Variants in GRIK2 observed in about 807,000 individuals in gnomAD.
The protein encoded by GRIK2 is glutamate ionotropic receptor kainate type subunit 2.
In GRIK2, 32 loss-of-function variants were observed where a neutral mutation model predicts 100.3. The ratio of observed to expected loss-of-function variants is 0.32; its 90% CI spans 0.24 to 0.43. GRIK2 has a LOEUF of 0.43. Among genes scored for constraint, GRIK2 ranks in the 20% least tolerant of loss-of-function variants. The pLI is 1.00. For missense variants in GRIK2, 843 were observed against 1,114.9 expected, an observed-to-expected ratio of 0.76 and a Z score of 3.47; for synonymous variants, 417 against 389.4, an observed-to-expected ratio of 1.07 and a Z score of -0.83.
At chr6:101,719,949 A>T (rs979143465) in intron 7 of GRIK2, among the ~76,000 whole-genome samples, 1 of 152,036 alleles carries the variant, frequency 6.6e-6, no homozygotes, top group Non-Finnish European at 1.5e-5. Context: ...GAGAAAAAAG[A>T]TGAGAGAGAA....
chr6:101,465,167 C>T lies in GRIK2; in HGVS notation c.115+65775C>T, dbSNP rs1286371509. Among the ~76,000 whole-genome samples, 4 of 152,130 alleles carry T rather than the reference C, an allele frequency of 2.6e-5. No homozygotes were observed. In the East Asian group the frequency reaches 7.7e-4, roughly 29 times the overall value. On this transcript the variant is annotated intron_variant, in intron 2 of 16. Coordinates refer to ENST00000369134, the MANE Select transcript of GRIK2 (RefSeq NM_021956.5). ...AACGGGTACAAGTATAGTTGTATTA[C>T]ATGAATATATCGTGTAGGAGTGAAG...
chr6:101,688,018 A>G (rs1435102264), intron 7 of GRIK2, among the ~76,000 whole-genome samples: 1 of 148,414 alleles, frequency 6.7e-6, no homozygotes, highest in Non-Finnish European at 1.5e-5. Context: ...AATGTATGCT[A>G]TCCTTTAAAT....
intron 16 of GRIK2, chr6:102,063,836 T>A (rs866557365): frequency 3.4e-5 from 18 of 536,290 alleles, no homozygotes; most frequent in African/African-American, 2.6e-4. Flanking sequence ...TCTACATTGT[T>A]TCAAGAATTA....
At chr6:101,670,575 T>C (rs1390772781) in intron 4 of GRIK2, among the ~76,000 whole-genome samples, 1 of 152,106 alleles carries the variant, frequency 6.6e-6, no homozygotes, top group African/African-American at 2.4e-5. Flanking sequence ...TTTCAGAAAA[T>C]TTCTATTTTG....
intron 12 of GRIK2, among the ~76,000 whole-genome samples, chr6:101,910,766 C>G (rs1788620228): frequency 1.3e-5 from 2 of 148,920 alleles, no homozygotes; most frequent in African/African-American, 5.0e-5. Flanking sequence ...CTACAGAATG[C>G]CATAGAAATT....
intron 7 of GRIK2, among the ~76,000 whole-genome samples, chr6:101,764,726 C>T (rs1222827622): frequency 1.3e-5 from 2 of 151,970 alleles, no homozygotes; most frequent in Non-Finnish European, 2.9e-5. Flanking sequence ...TAATGAGTTT[C>T]CTGAAGGATC....
chr6:101,965,740 G>A (rs1792627234), intron 14 of GRIK2, among the ~76,000 whole-genome samples: 1 of 151,992 alleles, frequency 6.6e-6, no homozygotes, highest in African/African-American at 2.4e-5. Flanking sequence ...TGTGGAATTG[G>A]TTAATTTTAC....
chr6:101,823,616 C>T (rs1458411985), intron 10 of GRIK2, among the ~76,000 whole-genome samples: 1 of 151,820 alleles, frequency 6.6e-6, no homozygotes, highest in African/African-American at 2.4e-5. Context: ...TTATTTATTG[C>T]ATAGAGGTTG....
At chr6:101,823,913 G>T (rs1327985257) in intron 10 of GRIK2, among the ~76,000 whole-genome samples, 1 of 149,852 alleles carries the variant, frequency 6.7e-6, no homozygotes, top group Non-Finnish European at 1.5e-5. Flanking sequence ...TGTCGCCCAG[G>T]CTGCAGTGCA....
intron 11 of GRIK2, among the ~76,000 whole-genome samples, chr6:101,863,626 CCTA>C (rs1562447685): frequency 6.6e-6 from 1 of 151,906 alleles, no homozygotes; most frequent in African/African-American, 2.4e-5. Context: ...GAATCTCTGA[CCTA>C]CTGTCATAAT....
At chr6:101,788,543 C>A (rs1266597739) in intron 7 of GRIK2, among the ~76,000 whole-genome samples, 1 of 152,146 alleles carries the variant, frequency 6.6e-6, no homozygotes, top group Admixed American at 6.6e-5. Flanking sequence ...ATGAACTCAT[C>A]ATTTTTTTAT....
intron 11 of GRIK2, among the ~76,000 whole-genome samples, chr6:101,864,916 A>T (rs915271120): frequency 6.6e-6 from 1 of 152,212 alleles, no homozygotes; most frequent in Admixed American, 6.5e-5. Context: ...CTAAATAGTA[A>T]CATTTAAAGT....
intron 2 of GRIK2, among the ~76,000 whole-genome samples, chr6:101,605,493 A>G (rs996800855): frequency 6.6e-6 from 1 of 151,948 alleles, no homozygotes; most frequent in Non-Finnish European, 1.5e-5. Context: ...TTAAATAATT[A>G]TATCTATCCA....
chr6:101,761,791 CCCTT>C lies in GRIK2; in HGVS notation c.952-37852_952-37849del, dbSNP rs1226774770. 3.8e-4 allele frequency among the ~76,000 whole-genome samples: 53 copies of C among 139,166 alleles called. 2 individuals are homozygous for C. In the South Asian group the frequency reaches 9.5e-3, roughly 25 times the overall value. The allele number at this position is 139,166 out of a possible 152,430, so 91.3% of individuals were successfully genotyped here. A position where few individuals can be genotyped will look rare whatever the true frequency, so the allele number is the denominator to read the frequency against. ...CATTTCCCTCCCTCCCTCCCTCCCT[CCCTT>C]CCTTTCTTCCTTCCTTCCTTCTTTT... On this transcript the variant is annotated intron_variant, in intron 7 of 16. Transcript: ENST00000369134.
chr6:101,452,790 A>G (rs1770783747), intron 2 of GRIK2, among the ~76,000 whole-genome samples: 15 of 151,850 alleles, frequency 9.9e-5, no homozygotes, highest in Admixed American at 9.9e-4. Flanking sequence ...TTACATTTCT[A>G]AAGTACACCA....
At chr6:101,941,133 A>G (rs974519216) in intron 14 of GRIK2, among the ~76,000 whole-genome samples, 7 of 152,128 alleles carry the variant, frequency 4.6e-5, no homozygotes, top group African/African-American at 1.7e-4. Context: ...ATAAATTACA[A>G]TTATAACTAT....
chr6:101,416,426 G>T (rs941371194), intron 2 of GRIK2, among the ~76,000 whole-genome samples: 3 of 152,172 alleles, frequency 2.0e-5, no homozygotes, highest in Non-Finnish European at 4.4e-5. Flanking sequence ...TGGGGCAGGG[G>T]AGGAGCAGCA....
At chr6:101,405,162 T>A (rs917823242) in intron 2 of GRIK2, among the ~76,000 whole-genome samples, 1 of 152,188 alleles carries the variant, frequency 6.6e-6, no homozygotes, top group Non-Finnish European at 1.5e-5. Context: ...CAAGGCAGAT[T>A]AGCACTATAT....
At chr6:101,438,287 G>C (rs1769849111) in intron 2 of GRIK2, among the ~76,000 whole-genome samples, 1 of 151,898 alleles carries the variant, frequency 6.6e-6, no homozygotes. Context: ...ACATTTATTT[G>C]TTGTTGTTTT....
Sources: gnomAD v4.1 joint callset for allele counts (sites outside exome capture counted in the v4.1 genomes callset) on GRCh38, gnomAD v4.1.1 for gene constraint, MANE v1.5 for transcripts, NCBI Gene and HGNC (gene_info 2026-07-23, HGNC 2026-07-21) for gene names.